The following CACNA2D3 variants were observed in gnomAD, a reference collection of about 807,000 sequenced individuals.
CACNA2D3 encodes voltage-dependent calcium channel subunit alpha-2/delta-3.
CACNA2D3 carries 60 observed loss-of-function variants against 160.6 expected under a neutral mutation model. The ratio of observed to expected loss-of-function variants is 0.37; its 90% CI spans 0.30 to 0.46. The LOEUF is 0.46. CACNA2D3 is among the 20% of genes least tolerant of loss of function. The probability of loss-of-function intolerance (pLI) is 1.00; values close to 1 mark genes in which losing one functional copy is unlikely to be tolerated. For synonymous variants in CACNA2D3, 558 were observed against 492.9 expected, an observed-to-expected ratio of 1.13 and a Z score of -1.75; for missense variants, 1,205 against 1,365.0, an observed-to-expected ratio of 0.88 and a Z score of 1.85.
intron 35 of CACNA2D3, among the ~76,000 whole-genome samples, chr3:55,036,425 C>A (rs1385884191): frequency 6.6e-6 from 1 of 151,424 alleles, no homozygotes; most frequent in Non-Finnish European, 1.5e-5. Context: ...CACACAAAAC[C>A]CTTGTGTTTT....
At chr3:54,618,326 A>T (rs1262469384) in intron 9 of CACNA2D3, among the ~76,000 whole-genome samples, 1 of 145,220 alleles carries the variant, frequency 6.9e-6, no homozygotes, top group African/African-American at 2.5e-5. Flanking sequence ...GGGACTGGTC[A>T]AAGTTCAAAT....
At chr3:54,864,328 C>T (rs915061583) in intron 17 of CACNA2D3, among the ~76,000 whole-genome samples, 10 of 151,118 alleles carry the variant, frequency 6.6e-5, no homozygotes, top group African/African-American at 1.2e-4. Context: ...GGCTGGAGTG[C>T]GGTGGCACAA....
intron 35 of CACNA2D3, among the ~76,000 whole-genome samples, chr3:55,053,832 A>G (rs358469): frequency 0.066 from 9,992 of 151,992 alleles, 1,087 homozygotes; most frequent in African/African-American, 0.23. Flanking sequence ...GAGAAATGGT[A>G]AAATCAGACA....
chr3:54,352,674 A>G (rs769147617), intron 3 of CACNA2D3, among the ~76,000 whole-genome samples: 3 of 152,218 alleles, frequency 2.0e-5, no homozygotes, highest in Non-Finnish European at 2.9e-5. Context: ...TACTTCCACA[A>G]ATTGCAGCAT....
chr3:54,764,246 T>A lies in CACNA2D3; in HGVS notation c.1275T>A (p.Ala425=). ...TTTTTACCCAGATCTCCACCTTGGC[T>A]GATGTGCAGGAGAATGTCATGGAAT... ...KGFFTQISTL[A]DVQENVMEYL... Residue 425 remains alanine (A), a synonymous_variant, in exon 13 of 38, where the codon GCT becomes GCA. Coordinates refer to ENST00000474759, the MANE Select transcript of CACNA2D3 (RefSeq NM_018398.3). 6.2e-7 allele frequency: 1 copy of A among 1,613,818 alleles called. No homozygotes were observed. The highest frequency in any genetic ancestry group is 8.5e-7 in the Non-Finnish European group (1 of 1,179,818).
intron 27 of CACNA2D3, among the ~76,000 whole-genome samples, chr3:54,917,261 A>G (rs927115211): frequency 7.2e-5 from 11 of 152,226 alleles, no homozygotes; most frequent in Non-Finnish European, 8.8e-5. Flanking sequence ...TGATGATTCA[A>G]TTTACAAAAA....
At chr3:54,880,575 G>C (rs1276589689) in intron 20 of CACNA2D3, among the ~76,000 whole-genome samples, 1 of 152,184 alleles carries the variant, frequency 6.6e-6, no homozygotes, top group Non-Finnish European at 1.5e-5. Flanking sequence ...GCCAATTGCT[G>C]CTGGCATTTC....
At chr3:54,215,367 C>T (rs186766462) in intron 2 of CACNA2D3, among the ~76,000 whole-genome samples, 9 of 152,282 alleles carry the variant, frequency 5.9e-5, no homozygotes, top group African/African-American at 1.7e-4. Context: ...ACTGTTACAG[C>T]GTTTTTAAAG....
intron 11 of CACNA2D3, among the ~76,000 whole-genome samples, chr3:54,687,604 A>C (rs1414832143): frequency 6.6e-6 from 1 of 152,188 alleles, no homozygotes; most frequent in African/African-American, 2.4e-5. Context: ...ACCAAAAGGA[A>C]TCACTTGGGT....
At chr3:54,333,979 T>G (rs1437202388) in intron 3 of CACNA2D3, among the ~76,000 whole-genome samples, 1 of 152,244 alleles carries the variant, frequency 6.6e-6, no homozygotes. Context: ...CTTAACCTGC[T>G]TCATTGGCCC....
intron 32 of CACNA2D3, among the ~76,000 whole-genome samples, chr3:55,007,189 T>C (rs546316684): frequency 3.9e-5 from 6 of 152,340 alleles, no homozygotes; most frequent in African/African-American, 1.4e-4. Context: ...AGGCTTTCAA[T>C]GCCTTCTTTT....
At chr3:54,822,656 C>T (rs955603801) in intron 14 of CACNA2D3, among the ~76,000 whole-genome samples, 11 of 152,124 alleles carry the variant, frequency 7.2e-5, no homozygotes, top group Non-Finnish European at 1.2e-4. Flanking sequence ...GCACTCCAGC[C>T]GAAGCTACGT....
intron 13 of CACNA2D3, among the ~76,000 whole-genome samples, chr3:54,786,097 C>T (rs1003462456): frequency 6.6e-6 from 1 of 152,206 alleles, no homozygotes; most frequent in Non-Finnish European, 1.5e-5. Flanking sequence ...CCTAACTCCT[C>T]AAATAGAAAG....
chr3:54,472,300 A>T (rs1398225742), intron 4 of CACNA2D3, among the ~76,000 whole-genome samples: 5 of 152,224 alleles, frequency 3.3e-5, no homozygotes, highest in Non-Finnish European at 5.9e-5. Context: ...CAAAAACCAC[A>T]TGATTATCTC....
chr3:54,253,023 T>C (rs1198417423), intron 2 of CACNA2D3, among the ~76,000 whole-genome samples: 1 of 152,224 alleles, frequency 6.6e-6, no homozygotes, highest in East Asian at 1.9e-4. Context: ...TCCTGAATCA[T>C]TCGGTGCCCA....
intron 34 of CACNA2D3, among the ~76,000 whole-genome samples, chr3:55,009,726 A>C (rs933450768): frequency 1.2e-4 from 18 of 152,224 alleles, no homozygotes; most frequent in African/African-American, 3.6e-4. Flanking sequence ...TTCTTCAGAA[A>C]GCTCATGGGC....
chr3:54,875,076 C>T (rs939397916), intron 18 of CACNA2D3: 7 of 152,100 alleles, frequency 4.6e-5, no homozygotes, highest in Non-Finnish European at 8.8e-5. Flanking sequence ...AAAATTTCTC[C>T]GGAGTCTTTT....
intron 4 of CACNA2D3, among the ~76,000 whole-genome samples, chr3:54,470,201 A>G (rs1385418325): frequency 6.6e-6 from 1 of 152,258 alleles, no homozygotes; most frequent in Non-Finnish European, 1.5e-5. Context: ...GTTACCCACA[A>G]AAGGAAGCCC....
chr3:54,403,404 C>A (rs1225643542), intron 4 of CACNA2D3, among the ~76,000 whole-genome samples: 1 of 150,158 alleles, frequency 6.7e-6, no homozygotes, highest in South Asian at 2.1e-4. Flanking sequence ...CACACGCACA[C>A]ACAATAAAAA....
Sources: allele counts gnomAD v4.1 joint callset (sites outside exome capture counted in the v4.1 genomes callset), GRCh38; gene constraint gnomAD v4.1.1; transcripts MANE v1.5; gene names NCBI Gene and HGNC (gene_info 2026-07-23, HGNC 2026-07-21).